Variants in CIROZ observed in about 807,000 individuals in gnomAD.
CIROZ encodes the protein ciliated left-right organizer protein containing ZP-N domains.
the CIROZ span, among the ~76,000 whole-genome samples, chr1:10,966,666 GTTC>G: frequency 6.6e-6 from 1 of 152,178 alleles, no homozygotes; most frequent in East Asian, 1.9e-4. Context: ...AAGCCCGATG[GTTC>G]TTCATTCAAG....
At chr1:10,965,211 A>C in the CIROZ span, among the ~76,000 whole-genome samples, 2 of 152,058 alleles carry the variant, frequency 1.3e-5, no homozygotes, top group South Asian at 4.1e-4. Context: ...AAGGGCGACC[A>C]CAGAGAGGAA....
chr1:10,980,197 C>T, the CIROZ span, among the ~76,000 whole-genome samples: 14 of 152,250 alleles, frequency 9.2e-5, no homozygotes, highest in African/African-American at 3.4e-4. Context: ...CCCAGGGAGG[C>T]CAAATGCCAG....
chr1:10,976,929 C>A, the CIROZ span, among the ~76,000 whole-genome samples: 6 of 151,948 alleles, frequency 3.9e-5, no homozygotes, highest in Non-Finnish European at 7.4e-5. Context: ...GCTGAGGCAG[C>A]GGGGGATGGC....
chr1:10,963,834 C>T, the CIROZ span, among the ~76,000 whole-genome samples: 3 of 152,064 alleles, frequency 2.0e-5, no homozygotes, highest in African/African-American at 7.2e-5. Flanking sequence ...GGTGATAACC[C>T]GACTGGCCCC....
chr1:10,980,779 C>T, the CIROZ span, among the ~76,000 whole-genome samples: 2 of 152,186 alleles, frequency 1.3e-5, no homozygotes, highest in Admixed American at 6.6e-5. Context: ...TTTTCCCCCT[C>T]ACTTCTCAGA....
the CIROZ span, chr1:10,947,998 G>C: frequency 6.2e-7 from 1 of 1,613,572 alleles, no homozygotes; most frequent in Non-Finnish European, 8.5e-7. Flanking sequence ...GCTGCTGGGC[G>C]AACAGGTTCT....
the CIROZ span, chr1:10,955,334 C>T: frequency 1.6e-6 from 1 of 638,858 alleles, no homozygotes; most frequent in Non-Finnish European, 2.5e-6. Flanking sequence ...ACTTGGTGTC[C>T]TGGTATCACT....
chr1:10,955,028 C>A, the CIROZ span: 1 of 1,612,166 alleles, frequency 6.2e-7, no homozygotes, highest in South Asian at 1.1e-5. Flanking sequence ...ATGCTGACCA[C>A]CACAAAGTCC....
the CIROZ span, chr1:10,948,160 T>G: frequency 1.2e-6 from 2 of 1,613,628 alleles, no homozygotes; most frequent in Non-Finnish European, 1.7e-6. Flanking sequence ...GCTGGCAGGA[T>G]GGAGAGTCCC....
At chr1:10,964,419 A>C in the CIROZ span, 1 of 952,846 alleles carries the variant, frequency 1.0e-6, no homozygotes, top group Non-Finnish European at 1.5e-6. Flanking sequence ...GGGAAACGAG[A>C]CCAAGGTCGA....
At chr1:10,964,324 A>G in the CIROZ span, 489,858 of 1,540,164 alleles carry the variant, frequency 0.32, 91,602 homozygotes, top group African/African-American at 0.78. Flanking sequence ...AATACAGTTA[A>G]TAGCCTGCAA....
the CIROZ span, among the ~76,000 whole-genome samples, chr1:10,955,489 G>T: frequency 6.6e-6 from 1 of 152,202 alleles, no homozygotes; most frequent in Admixed American, 6.5e-5. Flanking sequence ...TACTGAGACC[G>T]TCTTTGGCTT....
chr1:10,949,519 G>C, the CIROZ span: 1 of 1,236,840 alleles, frequency 8.1e-7, no homozygotes, highest in Non-Finnish European at 1.1e-6. Context: ...TGGAAGAATG[G>C]TGGTGAAAGA....
At chr1:10,978,852 C>T in the CIROZ span, among the ~76,000 whole-genome samples, 3 of 152,046 alleles carry the variant, frequency 2.0e-5, no homozygotes, top group Admixed American at 2.0e-4. Context: ...GGAACTAGAG[C>T]CAGTGACAGA....
the CIROZ span, among the ~76,000 whole-genome samples, chr1:10,975,407 GAAAAAAAAAAAA>G: frequency 2.5e-5 from 2 of 78,782 alleles, no homozygotes; most frequent in Non-Finnish European, 5.7e-5. Context: ...CTCTGTCTCA[GAAAAAAAAAAAA>G]AAAAAAAAAA....
the CIROZ span, among the ~76,000 whole-genome samples, chr1:10,959,627 C>T: frequency 1.3e-5 from 2 of 152,210 alleles, no homozygotes; most frequent in East Asian, 3.8e-4. This position sits in a 1 kb window ranked among gnomAD's most constrained non-coding sequence, Gnocchi z 4.3. Flanking sequence ...AATGAGGAGA[C>T]TGGAGCCAGA....
chr1:10,961,862 G>A, the CIROZ span, among the ~76,000 whole-genome samples: 1 of 152,110 alleles, frequency 6.6e-6, no homozygotes, highest in African/African-American at 2.4e-5. Context: ...CATGAGAATC[G>A]CTTGAACCCA....
chr1:10,948,574 G>A, the CIROZ span: 1 of 1,614,188 alleles, frequency 6.2e-7, no homozygotes. Context: ...CTCGGGGCTG[G>A]CGGTGAAGGA....
chr1:10,976,293 C>T, the CIROZ span: 19 of 1,328,682 alleles, frequency 1.4e-5, no homozygotes, highest in South Asian at 7.6e-5. Flanking sequence ...GGACATGCAC[C>T]GCCCAGCTGC....
Sources: gnomAD v4.1 joint callset for allele counts (sites outside exome capture counted in the v4.1 genomes callset) on GRCh38, gnomAD v4.1.1 for gene constraint, Gnocchi (gnomAD v3.1) non-coding constraint, MANE v1.5 for transcripts, NCBI Gene and HGNC (gene_info 2026-07-23, HGNC 2026-07-21) for gene names.